Variants in CPPED1 observed in about 807,000 individuals in gnomAD.
The protein encoded by CPPED1 is calcineurin like phosphoesterase domain containing 1, also known as serine/threonine-protein phosphatase CPPED1.
CPPED1 carries 28 observed loss-of-function variants against 28.0 expected under a neutral mutation model. The observed-to-expected ratio is 1.00, with a 90% CI of 0.74 to 1.37. The LOEUF (loss-of-function observed/expected upper bound fraction) is 1.37. CPPED1 is among the 40% of genes most tolerant of loss of function. The pLI is 0.00. For missense variants in CPPED1, 504 were observed against 416.5 expected, an observed-to-expected ratio of 1.21 and a Z score of -1.83; for synonymous variants, 198 against 180.2, an observed-to-expected ratio of 1.10 and a Z score of -0.79.
chr16:12,734,713 G>A (rs1436952365), intron 2 of CPPED1, among the ~76,000 whole-genome samples: 1 of 152,148 alleles, frequency 6.6e-6, no homozygotes, highest in Non-Finnish European at 1.5e-5. Flanking sequence ...TCTGGCCTCA[G>A]GATGTGGTTC....
At chr16:12,685,728 C>T (rs1477653875) in intron 3 of CPPED1, among the ~76,000 whole-genome samples, 2 of 152,204 alleles carry the variant, frequency 1.3e-5, no homozygotes, top group East Asian at 1.9e-4. Flanking sequence ...AGGCCACCAG[C>T]TTCATTCCCC....
chr16:12,802,525 C>T (rs1470638411), intron 1 of CPPED1, among the ~76,000 whole-genome samples: 1 of 152,090 alleles, frequency 6.6e-6, no homozygotes, highest in Non-Finnish European at 1.5e-5. Flanking sequence ...CGCTTGAACC[C>T]GGGAGGCGGA....
chr16:12,709,910 AGG>A lies in CPPED1; in HGVS notation c.290-4863_290-4862del, dbSNP rs2080071017. 4.8e-5 allele frequency among the ~76,000 whole-genome samples: 1 copy of A among 20,938 alleles called. No individual in the cohort carries two copies. Among genetic ancestry groups the A allele is most frequent in the African/African-American group, 4.9e-4 (1 of 2,024 alleles). The allele number at this position is 20,938 out of a possible 152,430, so 13.7% of individuals were successfully genotyped here. The stretch of plus-strand genomic sequence containing the variant: ...GGGAAGGAAGGGAAAGACGGGGGGA[AGG>A]AAGGGAAGGAAGGGAAGGAAGGGAA... On this transcript the variant is annotated intron_variant, in intron 2 of 3. Transcript: ENST00000381774. This position sits in a 1 kb window ranked among gnomAD's most constrained non-coding sequence, Gnocchi z 4.4.
chr16:12,706,616 G>C (rs1360242339), intron 2 of CPPED1, among the ~76,000 whole-genome samples: 1 of 148,258 alleles, frequency 6.7e-6, no homozygotes, highest in Non-Finnish European at 1.5e-5. Context: ...GCTTAAAGAA[G>C]ATTGAGGAAG....
intron 2 of CPPED1, among the ~76,000 whole-genome samples, chr16:12,726,142 A>G (rs1349716972): frequency 6.6e-6 from 1 of 152,026 alleles, no homozygotes; most frequent in Non-Finnish European, 1.5e-5. Context: ...CCTGGGTTCA[A>G]ACGATCCTCC....
chr16:12,679,509 T>C (rs2079894360), intron 3 of CPPED1, among the ~76,000 whole-genome samples: 1 of 152,196 alleles, frequency 6.6e-6, no homozygotes, highest in Admixed American at 6.5e-5. Context: ...TTCCAGATAA[T>C]TTAAATGTGT....
chr16:12,759,478 G>A (rs373891786), intron 2 of CPPED1: 5 of 152,264 alleles, frequency 3.3e-5, no homozygotes, highest in Admixed American at 1.3e-4. Context: ...AAAGCAGAGA[G>A]GCCATCAGGC....
At chr16:12,713,838 A>G (rs2080092707) in intron 2 of CPPED1, among the ~76,000 whole-genome samples, 1 of 148,266 alleles carries the variant, frequency 6.7e-6, no homozygotes, top group Admixed American at 6.7e-5. Context: ...GTATGTTTTT[A>G]GAATATTCAA....
chr16:12,704,985 G>T lies in CPPED1; in HGVS notation c.354C>A (p.Ala118=), dbSNP rs2141187315. The stretch of plus-strand genomic sequence containing the variant: ...TGCCGCTGACAAGGACCAGTGGGAT[G>T]GCCCTGTCCACTGCCCTAAGCACTC... The part of the protein sequence containing the change: ...LKRVLRAVDR[A]IPLVLVSGNH... Residue 118 remains alanine (A), a synonymous_variant, in exon 3 of 4, where the codon GCC becomes GCA. Coordinates refer to ENST00000381774, the MANE Select transcript of CPPED1 (RefSeq NM_018340.3). The T allele has an allele frequency of 6.2e-7, 1 of 1,614,224 alleles. No individual in the cohort carries two copies. Among genetic ancestry groups the T allele is most frequent in the Non-Finnish European group, 8.5e-7 (1 of 1,180,046 alleles).
intron 2 of CPPED1, among the ~76,000 whole-genome samples, chr16:12,762,985 T>C (rs2080418252): frequency 6.6e-6 from 1 of 152,080 alleles, no homozygotes; most frequent in Non-Finnish European, 1.5e-5. Flanking sequence ...TCCCAGCACT[T>C]TGGGAGGCCA....
chr16:12,710,512 G>C (rs935004761), intron 2 of CPPED1, among the ~76,000 whole-genome samples: 1 of 149,772 alleles, frequency 6.7e-6, no homozygotes, highest in African/African-American at 2.4e-5. Flanking sequence ...AATGCAAAAC[G>C]TTTGTGCATC....
intron 2 of CPPED1, among the ~76,000 whole-genome samples, chr16:12,748,107 T>C (rs2080302944): frequency 6.6e-6 from 1 of 152,198 alleles, no homozygotes; most frequent in Non-Finnish European, 1.5e-5. Flanking sequence ...CCTGGAATGC[T>C]GAAGTGATTA....
chr16:12,783,023 T>C (rs1040958470), intron 1 of CPPED1, among the ~76,000 whole-genome samples: 2 of 152,178 alleles, frequency 1.3e-5, no homozygotes, highest in African/African-American at 4.8e-5. Context: ...AGTATCATAC[T>C]GGGAGCCTTT....
chr16:12,683,784 T>C (rs922388052), intron 3 of CPPED1, among the ~76,000 whole-genome samples: 5 of 152,228 alleles, frequency 3.3e-5, no homozygotes, highest in South Asian at 2.1e-4. Flanking sequence ...TCAGTGGCTA[T>C]GGTGGCTTAA....
At chr16:12,789,568 C>G (rs1295927684) in intron 1 of CPPED1, among the ~76,000 whole-genome samples, 1 of 151,788 alleles carries the variant, frequency 6.6e-6, no homozygotes, top group African/African-American at 2.4e-5. Context: ...CTCTGTCACC[C>G]AGGTTGGAGT....
Position 12,704,939 on chromosome 16 carries a change from G to C in CPPED1, c.400C>G (p.Pro134Ala), listed in dbSNP as rs766084274. The change falls in exon 3 of 4, where the codon CCC (proline) becomes GCC (alanine). Residue 134 changes from proline to alanine, a missense_variant. Physicochemically the swap from Pro to Ala is conservative, Grantham distance 27. Transcript: ENST00000381774. ...AACTCCTCGACGGTCTCGGCCGTGGGGGTGTTGCCAATGTCATGGTTGCCG... is the reference window on the plus strand; with the variant it reads ...AACTCCTCGACGGTCTCGGCCGTGGCGGTGTTGCCAATGTCATGGTTGCCG... Reference protein sequence around the residue: ...VSGNHDIGNTPTAETVEEFCR... With the variant: ...VSGNHDIGNTATAETVEEFCR... The C allele has an allele frequency of 3.1e-6, 5 of 1,614,176 alleles. No individual in the cohort carries two copies. In the South Asian group the frequency reaches 4.4e-5, roughly 14 times the overall value.
chr16:12,752,032 C>A (rs147271580), intron 2 of CPPED1, among the ~76,000 whole-genome samples: 1 of 152,272 alleles, frequency 6.6e-6, no homozygotes, highest in Non-Finnish European at 1.5e-5. Context: ...TTGTCTGACT[C>A]CCCAGGTCAA....
intron 2 of CPPED1, chr16:12,753,791 T>G (rs2080346718): frequency 6.6e-6 from 1 of 152,118 alleles, no homozygotes; most frequent in African/African-American, 2.4e-5. Flanking sequence ...CCCCTCTCAT[T>G]TATTTTTTTA....
rs192896627 is a variant in CPPED1 at position 12,788,199 on chromosome 16, T to G, written c.71-6796A>C. 5.3e-5 allele frequency among the ~76,000 whole-genome samples: 8 copies of G among 152,266 alleles called. No homozygotes were observed. The East Asian group carries it at 9.7e-4, about 18-fold the overall frequency. On this transcript the variant is annotated intron_variant, in intron 1 of 3. Transcript: ENST00000381774. ...ATGATGGAATTAACACCCCATCACT[T>G]TTGCTGTGTTCTGCTCATTACAATC...
Sources: allele counts gnomAD v4.1 joint callset (sites outside exome capture counted in the v4.1 genomes callset), GRCh38; gene constraint gnomAD v4.1.1; non-coding constraint Gnocchi (gnomAD v3.1); transcripts MANE v1.5; gene names NCBI Gene and HGNC (gene_info 2026-07-23, HGNC 2026-07-21).